The following CDKAL1 variants were observed in gnomAD, a reference collection of about 807,000 sequenced individuals.
CDKAL1 encodes threonylcarbamoyladenosine tRNA methylthiotransferase.
Under a neutral mutation model 68.2 loss-of-function variants are expected in CDKAL1, and 32 were observed. That is an observed-to-expected ratio of 0.47 (90% CI 0.35 to 0.63). The LOEUF (loss-of-function observed/expected upper bound fraction) is 0.63, where lower values mean the gene tolerates loss of function less well. Ranked by LOEUF, CDKAL1 falls within the 30% of genes least tolerant of loss-of-function variation. CDKAL1 has a pLI of 0.00. For missense variants in CDKAL1, 606 were observed against 696.7 expected (o/e 0.87, Z 1.47); for synonymous variants, 234 against 244.3 (o/e 0.96, Z 0.39).
intron 15 of CDKAL1, among the ~76,000 whole-genome samples, chr6:21,218,247 G>A (rs115977008): frequency 0.019 from 2,911 of 152,278 alleles, 44 homozygotes; most frequent in Non-Finnish European, 0.028. Context: ...TTTATTGAAA[G>A]TCTGTCTTTC....
chr6:20,573,915 T>A (rs1422408451), intron 4 of CDKAL1, among the ~76,000 whole-genome samples: 1 of 152,158 alleles, frequency 6.6e-6, no homozygotes. Flanking sequence ...AGTTGTCCTG[T>A]GTGATGGCTG....
At chr6:20,748,933 A>C (rs1470892044) in intron 6 of CDKAL1, among the ~76,000 whole-genome samples, 4 of 152,048 alleles carry the variant, frequency 2.6e-5, no homozygotes, top group African/African-American at 9.7e-5. Flanking sequence ...AGCTAATAAG[A>C]AAGTACTTTG....
chr6:20,690,468 AG>A lies in CDKAL1; in HGVS notation c.371+41092del, dbSNP rs1770821219. Among the ~76,000 whole-genome samples the A allele has an allele frequency of 3.3e-5, 5 of 152,246 alleles. No homozygotes were observed. The South Asian group carries it at 1.0e-3, about 32-fold the overall frequency. The stretch of plus-strand genomic sequence containing the variant: ...GACATATTTTTCAACACTGTTCTCT[AG>A]AGAAGAGATATCCATTAGCCTTACT... On this transcript the variant is annotated intron_variant, in intron 5 of 15. Transcript: ENST00000274695.
At chr6:21,171,743 A>G (rs1199344383) in intron 13 of CDKAL1, among the ~76,000 whole-genome samples, 1 of 152,196 alleles carries the variant, frequency 6.6e-6, no homozygotes, top group Non-Finnish European at 1.5e-5. Flanking sequence ...AATAGGTTAA[A>G]GGATACAGGT....
intron 5 of CDKAL1, among the ~76,000 whole-genome samples, chr6:20,704,608 T>C (rs1201788138): frequency 6.6e-6 from 1 of 152,182 alleles, no homozygotes; most frequent in African/African-American, 2.4e-5. Flanking sequence ...GCTTTGAATA[T>C]GTATCAGAGG....
chr6:20,815,024 T>G (rs1009583791), intron 8 of CDKAL1, among the ~76,000 whole-genome samples: 3 of 152,224 alleles, frequency 2.0e-5, no homozygotes, highest in African/African-American at 7.2e-5. Flanking sequence ...TCCTCTCAGT[T>G]ATCACTGTTT....
intron 10 of CDKAL1, among the ~76,000 whole-genome samples, chr6:20,976,116 G>A (rs945435254): frequency 6.6e-6 from 1 of 151,806 alleles, no homozygotes; most frequent in Admixed American, 6.6e-5. Context: ...TCATATAATT[G>A]CAATCATACC....
intron 13 of CDKAL1, chr6:21,135,571 A>G (rs1292767087): frequency 1.1e-5 from 5 of 448,346 alleles, no homozygotes; most frequent in African/African-American, 2.1e-5. Context: ...GTTAAAAACT[A>G]CTTTTCCCCG....
At chr6:20,827,231 A>C (rs772757766) in intron 8 of CDKAL1, among the ~76,000 whole-genome samples, 1 of 152,160 alleles carries the variant, frequency 6.6e-6, no homozygotes, top group Non-Finnish European at 1.5e-5. Flanking sequence ...ATATTTGGCA[A>C]ATCACTTTAC....
chr6:21,087,317 C>T (rs972660860), intron 12 of CDKAL1, among the ~76,000 whole-genome samples: 3 of 151,888 alleles, frequency 2.0e-5, no homozygotes, highest in Non-Finnish European at 4.4e-5. Context: ...AAGGAGCGGG[C>T]GCCTAGTTAA....
intron 9 of CDKAL1, among the ~76,000 whole-genome samples, chr6:20,850,583 G>A (rs1288508225): frequency 1.3e-5 from 2 of 152,016 alleles, no homozygotes; most frequent in East Asian, 3.9e-4. Flanking sequence ...GACTACAGGT[G>A]TGCACTACCA....
chr6:21,066,977 T>C (rs910254020), intron 12 of CDKAL1, among the ~76,000 whole-genome samples: 1 of 152,216 alleles, frequency 6.6e-6, no homozygotes, highest in Non-Finnish European at 1.5e-5. Context: ...TCACACCCAG[T>C]TCCTGACAAC....
At chr6:20,546,913 A>G (rs2127653704) in intron 3 of CDKAL1, among the ~76,000 whole-genome samples, 1 of 152,306 alleles carries the variant, frequency 6.6e-6, no homozygotes, top group East Asian at 1.9e-4. Flanking sequence ...TGTGATATAT[A>G]TAATGTCTCT....
chr6:20,649,477 T>C (rs1768646359), intron 5 of CDKAL1, 100 bp downstream of exon 5: 4 of 635,742 alleles, frequency 6.3e-6, no homozygotes, highest in Non-Finnish European at 8.0e-6. Flanking sequence ...ATTTAGTTTA[T>C]ATTAAAAAAG....
At position 20,729,549 on chromosome 6, in the gene CDKAL1, T is replaced by C. The variant is rs373806957; in HGVS notation, c.372-9970T>C. Among the ~76,000 whole-genome samples the C allele has an allele frequency of 3.9e-5, 6 of 152,064 alleles. No homozygotes were observed. In the South Asian group the frequency reaches 1.2e-3, roughly 32 times the overall value. On this transcript the variant is annotated intron_variant, in intron 5 of 15. Transcript: ENST00000274695. Reference sequence around the variant, plus strand: ...TTCCTTGTCAGCACTTGTAGATCTCTATAATTCTCAGTTTATAAAGTACTT... The same window carrying C: ...TTCCTTGTCAGCACTTGTAGATCTCCATAATTCTCAGTTTATAAAGTACTT...
intron 10 of CDKAL1, among the ~76,000 whole-genome samples, chr6:20,968,697 G>A (rs565920549): frequency 6.6e-6 from 1 of 151,824 alleles, no homozygotes; most frequent in African/African-American, 2.4e-5. Flanking sequence ...AGCCCTTCTA[G>A]TAATTTTTAA....
At chr6:20,847,564 T>G (rs1447006580) in intron 9 of CDKAL1, among the ~76,000 whole-genome samples, 1 of 152,210 alleles carries the variant, frequency 6.6e-6, no homozygotes, top group African/African-American at 2.4e-5. Flanking sequence ...TTTAAAAATC[T>G]ATTTCATTTT....
chr6:20,988,114 T>C (rs1321310913), intron 10 of CDKAL1, among the ~76,000 whole-genome samples: 1 of 151,938 alleles, frequency 6.6e-6, no homozygotes, highest in Non-Finnish European at 1.5e-5. Context: ...TCTCTAAACT[T>C]TGGTGTTTTT....
chr6:20,910,374 A>G (rs1762415289), intron 9 of CDKAL1, among the ~76,000 whole-genome samples: 1 of 152,248 alleles, frequency 6.6e-6, no homozygotes, highest in Admixed American at 6.5e-5. Flanking sequence ...GGAAATAAAA[A>G]TACAGGAGGC....
Sources: allele counts gnomAD v4.1 joint callset (sites outside exome capture counted in the v4.1 genomes callset), GRCh38; gene constraint gnomAD v4.1.1; transcripts MANE v1.5; gene names NCBI Gene and HGNC (gene_info 2026-07-23, HGNC 2026-07-21).